Variants in ARHGAP5 observed in about 807,000 individuals in gnomAD.
The protein encoded by ARHGAP5 is Rho GTPase activating protein 5.
Under a neutral mutation model 116.6 loss-of-function variants are expected in ARHGAP5, and 23 were observed. That is an observed-to-expected ratio of 0.20 (90% CI 0.14 to 0.28). The LOEUF (loss-of-function observed/expected upper bound fraction) is 0.28. Among genes scored for constraint, ARHGAP5 ranks in the 10% least tolerant of loss-of-function variants. The probability of loss-of-function intolerance (pLI) is 1.00; values close to 1 mark genes in which losing one functional copy is unlikely to be tolerated. For synonymous variants in ARHGAP5, 574 were observed against 602.0 expected (o/e 0.95, Z 0.68); for missense variants, 1,405 against 1,774.8 (o/e 0.79, Z 3.74).
chr14:32,098,344 G>A (rs1047818622), intron 2 of ARHGAP5, among the ~76,000 whole-genome samples: 1 of 152,194 alleles, frequency 6.6e-6, no homozygotes, highest in African/African-American at 2.4e-5. Context: ...GGGGCTATTG[G>A]ACACTTGAAA....
At chr14:32,106,833 G>A (rs1236978678) in intron 2 of ARHGAP5, among the ~76,000 whole-genome samples, 7 of 152,122 alleles carry the variant, frequency 4.6e-5, no homozygotes, top group Non-Finnish European at 7.4e-5. Flanking sequence ...TAGATAGTAA[G>A]CAGTAAATAA....
chr14:32,151,227 T>G (rs1229438665), intron 5 of ARHGAP5, among the ~76,000 whole-genome samples: 1 of 152,190 alleles, frequency 6.6e-6, no homozygotes, highest in African/African-American at 2.4e-5. Context: ...GAGGACTGAT[T>G]TAGAAGTAAT....
Position 32,092,081 on chromosome 14 carries a change from G to A in ARHGAP5, c.1412G>A (p.Ser471Asn). 6.2e-7 allele frequency: 1 copy of A among 1,613,876 alleles called. No homozygotes were observed. The highest frequency in any genetic ancestry group is 8.5e-7 in the Non-Finnish European group (1 of 1,179,802). The stretch of plus-strand genomic sequence containing the variant: ...TACAAATATATCACTGAGGCTGATA[G>A]CAAAGAGGTATATGGTAGGCATCAG... ...EAYKYITEADSKEVYGRHQRE... is the reference protein window; with the variant it reads ...EAYKYITEADNKEVYGRHQRE... Residue 471 changes from serine (S) to asparagine (N), a missense_variant, in exon 2 of 7, where the codon AGC becomes AAC. Ser to Asn is a conservative substitution (Grantham distance 46). Around this residue, in one of 6 missense-constraint regions of ARHGAP5, gnomAD observed 944 missense variants for 1,095.3 expected, o/e 0.86. Coordinates refer to ENST00000345122, the MANE Select transcript of ARHGAP5 (RefSeq NM_001030055.2). This position sits in a 1 kb window ranked among gnomAD's most constrained non-coding sequence, Gnocchi z 4.1.
chr14:32,127,742 G>GAT (rs1880248052), intron 3 of ARHGAP5, among the ~76,000 whole-genome samples: 1 of 151,366 alleles, frequency 6.6e-6, no homozygotes, highest in African/African-American at 2.4e-5. Flanking sequence ...CTTCCCAGAC[G>GAT]TGGTGGCCAG....
At chr14:32,115,363 A>G (rs903096552) in intron 2 of ARHGAP5, among the ~76,000 whole-genome samples, 4 of 152,162 alleles carry the variant, frequency 2.6e-5, no homozygotes, top group Admixed American at 2.6e-4. Context: ...ATGTTATCCT[A>G]ACATTTAAGT....
At chr14:32,143,738 T>G (rs1050507663) in intron 3 of ARHGAP5, among the ~76,000 whole-genome samples, 1 of 152,208 alleles carries the variant, frequency 6.6e-6, no homozygotes. Context: ...TAATAGTGAG[T>G]AAAGGGCAAG....
At chr14:32,151,460 A>C (rs953240929) in intron 5 of ARHGAP5, among the ~76,000 whole-genome samples, 1 of 152,374 alleles carries the variant, frequency 6.6e-6, no homozygotes, top group African/African-American at 2.4e-5. Context: ...ATGGATTACA[A>C]GTAATTGTAG....
At chr14:32,082,104 C>G (rs892799774) in intron 1 of ARHGAP5, among the ~76,000 whole-genome samples, 2 of 152,180 alleles carry the variant, frequency 1.3e-5, no homozygotes, top group Non-Finnish European at 1.5e-5. Context: ...TGGTAATGCC[C>G]GCTTTCCAGG....
chr14:32,158,879 T>C lies in ARHGAP5; in HGVS notation c.*3931T>C, dbSNP rs989278525. 2.6e-5 allele frequency: 4 copies of C among 152,054 alleles called. No homozygotes were observed. The highest frequency in any genetic ancestry group is 9.6e-5 in the African/African-American group (4 of 41,452). 9.4% of individuals were successfully genotyped at this position (152,054 alleles called of 1,614,324 possible). ...ACTTGATGTGATCCAAGTACCCTGG[T>C]CTTTTTGAAGCAGTTAAAATCTAAT... On this transcript the variant is annotated 3_prime_UTR_variant, in exon 7 of 7. Transcript: ENST00000345122.
intron 1 of ARHGAP5, among the ~76,000 whole-genome samples, chr14:32,078,543 G>A (rs979130039): frequency 6.6e-6 from 1 of 151,908 alleles, no homozygotes; most frequent in Non-Finnish European, 1.5e-5. Context: ...TTTTTTAAAT[G>A]TTCAGGTGTA....
At chr14:32,124,178 G>T (rs1284478127) in intron 3 of ARHGAP5, among the ~76,000 whole-genome samples, 1 of 152,052 alleles carries the variant, frequency 6.6e-6, no homozygotes, top group Non-Finnish European at 1.5e-5. Context: ...CAGACACTAC[G>T]TTGGGGCATT....
In ARHGAP5 at chr14:32,093,463, A is replaced by C; in HGVS notation, c.2794A>C (p.Thr932Pro). ...SQYHRQTEVF[T>P]LFFSDVLEKK... ...GTATCATCGGCAAACTGAGGTCTTT[A>C]CTCTGTTTTTTAGTGATGTTCTAGA... Residue 932 changes from threonine (T) to proline (P), a missense_variant, in exon 2 of 7, where the codon ACT (threonine) becomes CCT (proline). Thr to Pro is a conservative substitution (Grantham distance 38, BLOSUM62 -1). Transcript: ENST00000345122. 1 of 1,613,186 alleles carries C rather than the reference A, an allele frequency of 6.2e-7. No individual in the cohort carries two copies.
At chr14:32,148,669 C>T (rs1225527782) in intron 4 of ARHGAP5, among the ~76,000 whole-genome samples, 1 of 151,930 alleles carries the variant, frequency 6.6e-6, no homozygotes, top group Non-Finnish European at 1.5e-5. Context: ...GGAAATATTT[C>T]ACAGCCATTA....
At chr14:32,079,955 T>G (rs1349079813) in intron 1 of ARHGAP5, among the ~76,000 whole-genome samples, 1 of 152,172 alleles carries the variant, frequency 6.6e-6, no homozygotes, top group Non-Finnish European at 1.5e-5. Flanking sequence ...AAGATACTTG[T>G]ATTATATATT....
chr14:32,092,232 T>G lies in ARHGAP5; in HGVS notation c.1563T>G (p.Val521=), dbSNP rs1214778252. ...SSDKMSEIHT[V]LSEEPRYKAL... ...ATAAAATGAGTGAAATTCATACAGT[T>G]CTGAGTGAAGAACCTAGATATAAAG... The change falls in exon 2 of 7, where the codon GTT becomes GTG. Residue 521 remains valine (V), a synonymous_variant. Coordinates refer to ENST00000345122, the MANE Select transcript of ARHGAP5 (RefSeq NM_001030055.2). This position sits in a 1 kb window ranked among gnomAD's most constrained non-coding sequence, Gnocchi z 4.1. The G allele has an allele frequency of 6.2e-7, 1 of 1,613,264 alleles. No homozygotes were observed. The highest frequency in any genetic ancestry group is 1.3e-5 in the African/African-American group (1 of 74,886).
chr14:32,115,157 A>G (rs989836942), intron 2 of ARHGAP5, among the ~76,000 whole-genome samples: 2 of 152,194 alleles, frequency 1.3e-5, no homozygotes, highest in African/African-American at 2.4e-5. Flanking sequence ...AATCGTTGCT[A>G]TACCCTGCTC....
intron 3 of ARHGAP5, among the ~76,000 whole-genome samples, chr14:32,120,520 G>C (rs553004900): frequency 6.6e-6 from 1 of 151,030 alleles, no homozygotes; most frequent in Non-Finnish European, 1.5e-5. Context: ...TAATGGTCCA[G>C]ATTTTCCTCT....
intron 3 of ARHGAP5, among the ~76,000 whole-genome samples, chr14:32,130,581 C>T (rs1167340112): frequency 2.0e-5 from 3 of 151,756 alleles, no homozygotes; most frequent in Non-Finnish European, 4.4e-5. Context: ...CGCTTTGTCG[C>T]CCAGTCTGGA....
At chr14:32,130,500 G>A (rs748968055) in intron 3 of ARHGAP5, among the ~76,000 whole-genome samples, 14 of 151,556 alleles carry the variant, frequency 9.2e-5, no homozygotes, top group Non-Finnish European at 1.9e-4. Flanking sequence ...GGGATTACAG[G>A]TGTGAACCAC....
Sources: allele counts gnomAD v4.1 joint callset (sites outside exome capture counted in the v4.1 genomes callset), GRCh38; gene constraint gnomAD v4.1.1; regional missense constraint gnomAD v4.1.1; non-coding constraint Gnocchi (gnomAD v3.1); transcripts MANE v1.5; gene names NCBI Gene and HGNC (gene_info 2026-07-23, HGNC 2026-07-21).